Variants in GRIP1 observed in about 807,000 individuals in gnomAD.
The protein encoded by GRIP1 is glutamate receptor interacting protein 1.
GRIP1 carries 45 observed loss-of-function variants against 129.9 expected under a neutral mutation model. The observed-to-expected ratio is 0.35, with a 90% CI of 0.27 to 0.44. The LOEUF is 0.44. Ranked by LOEUF, GRIP1 falls within the 20% of genes least tolerant of loss-of-function variation. GRIP1 has a pLI of 1.00. For synonymous variants in GRIP1, 530 were observed against 520.8 expected (o/e 1.02, Z -0.24); for missense variants, 1,196 against 1,396.8 (o/e 0.86, Z 2.29).
At chr12:66,841,573 A>G (rs778763153) in intron 1 of GRIP1, among the ~76,000 whole-genome samples, 1 of 152,214 alleles carries the variant, frequency 6.6e-6, no homozygotes, top group Non-Finnish European at 1.5e-5. Flanking sequence ...TTTTTGAGGC[A>G]TGCTCTTCAA....
intron 1 of GRIP1, among the ~76,000 whole-genome samples, chr12:66,956,556 A>G (rs1396637460): frequency 3.3e-5 from 5 of 152,178 alleles, no homozygotes; most frequent in African/African-American, 1.2e-4. Context: ...CACCTCTTGG[A>G]AAGAGGCATA....
chr12:66,850,509 T>C (rs1195572141), intron 1 of GRIP1, among the ~76,000 whole-genome samples: 2 of 152,122 alleles, frequency 1.3e-5, no homozygotes, highest in African/African-American at 4.8e-5. Context: ...ACATTTTCTA[T>C]CTTGAAGTCA....
intron 1 of GRIP1, among the ~76,000 whole-genome samples, chr12:66,853,686 A>G (rs2039953773): frequency 1.3e-5 from 2 of 152,062 alleles, no homozygotes; most frequent in African/African-American, 4.8e-5. Context: ...CCAAAGTTAA[A>G]TCCCAAATCA....
chr12:66,860,420 G>A (rs2040091436), intron 1 of GRIP1, among the ~76,000 whole-genome samples: 1 of 152,094 alleles, frequency 6.6e-6, no homozygotes, highest in Non-Finnish European at 1.5e-5. Context: ...AAAGTGTGTT[G>A]AGACAATAAT....
intron 1 of GRIP1, among the ~76,000 whole-genome samples, chr12:67,057,009 C>T (rs1471852915): frequency 9.9e-5 from 15 of 152,078 alleles, no homozygotes; most frequent in Non-Finnish European, 8.8e-5. Flanking sequence ...CAGGGTTTCA[C>T]CATTGTTGGT....
At chr12:66,735,309 C>T (rs962833092) in intron 1 of GRIP1, among the ~76,000 whole-genome samples, 4 of 151,858 alleles carry the variant, frequency 2.6e-5, no homozygotes, top group Non-Finnish European at 5.9e-5. Flanking sequence ...CTTATAATGT[C>T]GAAGTAAATA....
At chr12:66,761,584 A>C (rs1401817783) in intron 1 of GRIP1, among the ~76,000 whole-genome samples, 1 of 152,120 alleles carries the variant, frequency 6.6e-6, no homozygotes, top group Non-Finnish European at 1.5e-5. Context: ...TATGGCACCC[A>C]GTTAACTCTG....
At chr12:66,682,316 C>T (rs975508225), upstream of GRIP1, among the ~76,000 whole-genome samples, 1 of 152,102 alleles carries the variant, frequency 6.6e-6, no homozygotes, top group Admixed American at 6.6e-5. Context: ...AGGCAAGTAC[C>T]GTCTGGTGAA....
At chr12:66,768,441 G>C (rs904647355) in intron 1 of GRIP1, among the ~76,000 whole-genome samples, 2 of 152,146 alleles carry the variant, frequency 1.3e-5, no homozygotes, top group Admixed American at 6.5e-5. Flanking sequence ...AATTGCTTCC[G>C]TGGCAATAAA....
rs565615837 is a variant in GRIP1, at chr12:66,474,852, C to T, written c.725-9430G>A. Among the ~76,000 whole-genome samples the T allele has an allele frequency of 1.8e-4, 28 of 152,210 alleles. 1 individual carries two copies. Among genetic ancestry groups the T allele is most frequent in the Admixed American group, 7.2e-4 (11 of 15,270 alleles). The stretch of plus-strand genomic sequence containing the variant: ...ATCACTAAACATGGAAAGGAACAAC[C>T]GGTCCCAGCCACTGCAAAAACATGC... On this transcript the variant is annotated intron_variant, in intron 7 of 24. Coordinates refer to ENST00000359742, the MANE Select transcript of GRIP1 (RefSeq NM_001366722.1).
intron 15 of GRIP1, among the ~76,000 whole-genome samples, chr12:66,408,749 T>G (rs2057286708): frequency 6.6e-6 from 1 of 152,188 alleles, no homozygotes; most frequent in Admixed American, 6.5e-5. Context: ...ATTCTAGGCC[T>G]TAGCTCTTGG....
At chr12:66,922,848 A>C (rs1279669034) in intron 1 of GRIP1, among the ~76,000 whole-genome samples, 1 of 152,200 alleles carries the variant, frequency 6.6e-6, no homozygotes, top group Non-Finnish European at 1.5e-5. Context: ...AGAAAAGTAG[A>C]TCAAAAAGAC....
intron 1 of GRIP1, among the ~76,000 whole-genome samples, chr12:66,943,333 C>T (rs1003583685): frequency 5.3e-5 from 8 of 152,174 alleles, no homozygotes; most frequent in Middle Eastern, 3.4e-3. Flanking sequence ...GAACAAATGC[C>T]CACTTGGGAT....
At chr12:66,579,413 T>C (rs200888613) in intron 2 of GRIP1, among the ~76,000 whole-genome samples, 2 of 152,202 alleles carry the variant, frequency 1.3e-5, no homozygotes, top group Non-Finnish European at 2.9e-5. Flanking sequence ...GGACGGAGAA[T>C]GACTTTGACA....
chr12:67,033,333 A>C (rs2043050800), intron 1 of GRIP1, among the ~76,000 whole-genome samples: 1 of 151,182 alleles, frequency 6.6e-6, no homozygotes, highest in South Asian at 2.1e-4. Flanking sequence ...ATTCTACTCC[A>C]CTTGCTCTGC....
intron 1 of GRIP1, among the ~76,000 whole-genome samples, chr12:67,003,019 G>A (rs982807231): frequency 3.3e-5 from 5 of 151,972 alleles, no homozygotes; most frequent in African/African-American, 7.2e-5. Flanking sequence ...CTCTACACAC[G>A]ATATATTACA....
chr12:66,934,157 G>T (rs1341709375), intron 1 of GRIP1, among the ~76,000 whole-genome samples: 2 of 151,950 alleles, frequency 1.3e-5, no homozygotes, highest in African/African-American at 2.4e-5. Flanking sequence ...TTTTTTTCAG[G>T]TCATTTCTTA....
intron 1 of GRIP1, among the ~76,000 whole-genome samples, chr12:66,745,624 A>T (rs961772425): frequency 1.3e-5 from 2 of 152,220 alleles, no homozygotes; most frequent in Non-Finnish European, 2.9e-5. Context: ...AGAAATGACC[A>T]ATTTCACAGA....
Position 66,392,426 on chromosome 12 carries a change from G to A in GRIP1, c.2346C>T (p.Ser782=). 1 of 1,613,978 alleles carries A rather than the reference G, an allele frequency of 6.2e-7. No individual in the cohort carries two copies. The highest frequency in any genetic ancestry group is 8.5e-7 in the Non-Finnish European group (1 of 1,179,864). Residue 782 remains serine, a synonymous_variant, in exon 19 of 25, where the codon TCC becomes TCT. Coordinates refer to ENST00000359742, the MANE Select transcript of GRIP1 (RefSeq NM_001366722.1). ...GCTTGCCTGGCTTCTGTGCTGGTGAGGAGTCCTCCTCCACATCCCCCAGGT... is the reference window on the plus strand; with the variant it reads ...GCTTGCCTGGCTTCTGTGCTGGTGAAGAGTCCTCCTCCACATCCCCCAGGT... ...LSDLGDVEED[S]SPAQKPGKLS...
Sources: allele counts gnomAD v4.1 joint callset (sites outside exome capture counted in the v4.1 genomes callset), GRCh38; gene constraint gnomAD v4.1.1; transcripts MANE v1.5; gene names NCBI Gene and HGNC (gene_info 2026-07-23, HGNC 2026-07-21).